HMBOX1: variants seen among roughly 807,000 people sequenced by gnomAD.
The protein encoded by HMBOX1 is homeobox containing 1, also known as homeobox-containing protein 1.
A neutral mutation model predicts 54.5 loss-of-function variants in HMBOX1; 14 were observed. The ratio of observed to expected loss-of-function variants is 0.26; its 90% CI spans 0.17 to 0.40. The LOEUF (loss-of-function observed/expected upper bound fraction) is 0.40, where lower values mean the gene tolerates loss of function less well. Ranked by LOEUF, HMBOX1 falls within the 10% of genes least tolerant of loss-of-function variation. The probability of loss-of-function intolerance (pLI) is 1.00; values close to 1 mark genes in which losing one functional copy is unlikely to be tolerated. For missense variants in HMBOX1, 332 were observed against 514.4 expected (o/e 0.65, Z 3.43); for synonymous variants, 160 against 181.0 (o/e 0.88, Z 0.93).
At chr8:28,968,620 C>T (rs1220315992) in intron 2 of HMBOX1, among the ~76,000 whole-genome samples, 1 of 152,132 alleles carries the variant, frequency 6.6e-6, no homozygotes, top group African/African-American at 2.4e-5. Flanking sequence ...CAGTTCCTGC[C>T]TAGAAGTGAC....
chr8:28,995,133 G>A (rs1208247285), intron 4 of HMBOX1, among the ~76,000 whole-genome samples: 1 of 152,118 alleles, frequency 6.6e-6, no homozygotes, highest in Non-Finnish European at 1.5e-5. Flanking sequence ...GTCTAACATA[G>A]AAACCCATGC....
intron 6 of HMBOX1, among the ~76,000 whole-genome samples, chr8:29,036,207 G>T (rs1803837997): frequency 6.6e-6 from 1 of 152,222 alleles, no homozygotes; most frequent in East Asian, 1.9e-4. Context: ...AGTCTTTGCA[G>T]TGAAGGGCCT....
intron 1 of HMBOX1, among the ~76,000 whole-genome samples, chr8:28,951,918 A>G (rs544494924): frequency 8.5e-5 from 13 of 152,320 alleles, no homozygotes; most frequent in African/African-American, 2.6e-4. Context: ...CTGTAATCCC[A>G]GCACTTTAAG....
At chr8:28,973,730 T>A (rs1004867333) in intron 3 of HMBOX1, among the ~76,000 whole-genome samples, 2 of 151,120 alleles carry the variant, frequency 1.3e-5, no homozygotes, top group Non-Finnish European at 2.9e-5. Context: ...ATACACAAGA[T>A]GTAGTTTTAA....
intron 6 of HMBOX1, 150 bp from the exon 7 acceptor site, chr8:29,045,211 T>TTCTA (rs1309647995): frequency 3.1e-6 from 2 of 654,130 alleles, no homozygotes. Context: ...GCATAAAAGA[T>TTCTA]TCTACTCTCA....
intron 6 of HMBOX1, among the ~76,000 whole-genome samples, chr8:29,042,012 C>T (rs749238046): frequency 6.6e-6 from 1 of 152,026 alleles, no homozygotes; most frequent in Non-Finnish European, 1.5e-5. Context: ...AAAAGGAACC[C>T]GTAGGTCTTA....
chr8:29,024,612 T>C (rs17059614), intron 6 of HMBOX1, among the ~76,000 whole-genome samples: 3,106 of 152,306 alleles, frequency 0.02, 94 homozygotes, highest in African/African-American at 0.069. Flanking sequence ...TTCATAAATC[T>C]TAAGGCAGTA....
chr8:28,918,564 A>C (rs1816980460), intron 1 of HMBOX1, among the ~76,000 whole-genome samples: 1 of 152,104 alleles, frequency 6.6e-6, no homozygotes, highest in African/African-American at 2.4e-5. Context: ...TGAGTTACTG[A>C]ATTTATGGAC....
At chr8:28,904,130 A>AT (rs1160065345) in intron 1 of HMBOX1, among the ~76,000 whole-genome samples, 1 of 152,144 alleles carries the variant, frequency 6.6e-6, no homozygotes, top group East Asian at 1.9e-4. Flanking sequence ...TTTTTCATGC[A>AT]TAAACCATAC....
chr8:29,047,300 T>C, intron 7 of HMBOX1, 58 bp from the exon 8 acceptor site: 1 of 982,228 alleles, frequency 1.0e-6, no homozygotes. Context: ...CCCTTAAAAC[T>C]AGTTTATTCT....
intron 1 of HMBOX1, among the ~76,000 whole-genome samples, chr8:28,923,228 C>T (rs1185268252): frequency 6.6e-6 from 1 of 152,146 alleles, no homozygotes; most frequent in Non-Finnish European, 1.5e-5. Context: ...CTTTCTGTTT[C>T]TATGGATTTG....
At chr8:29,009,217 A>T (rs1833884495) in intron 5 of HMBOX1, 35 bp downstream of exon 5, 16 of 1,482,910 alleles carry the variant, frequency 1.1e-5, no homozygotes, top group Non-Finnish European at 1.4e-5. Context: ...TTGCATCTGA[A>T]ACAAGACAGA....
rs1822494906 is a variant in HMBOX1 at position 28,946,563 on chromosome 8, C to T, written c.-57-17248C>T. On this transcript the variant is annotated intron_variant, in intron 1 of 9. Coordinates refer to ENST00000287701, the MANE Select transcript of HMBOX1 (RefSeq NM_001135726.3). Reference sequence around the variant, plus strand: ...CCAGCCTGGGGGACAGAGTGAGACTCCGTCTCAAAAAAAAAAAAATATATA... The same window carrying T: ...CCAGCCTGGGGGACAGAGTGAGACTTCGTCTCAAAAAAAAAAAAATATATA... Among the ~76,000 whole-genome samples, 2 of 147,650 alleles carry T rather than the reference C, an allele frequency of 1.4e-5. 1 individual carries two copies. The highest frequency in any genetic ancestry group is 4.2e-4 in the South Asian group (2 of 4,764).
chr8:28,992,216 C>G (rs1338311508), intron 4 of HMBOX1, among the ~76,000 whole-genome samples: 2 of 152,168 alleles, frequency 1.3e-5, no homozygotes, highest in African/African-American at 2.4e-5. Flanking sequence ...TGTCTTAACC[C>G]TCAGTTTCTC....
intron 1 of HMBOX1, among the ~76,000 whole-genome samples, chr8:28,961,136 T>G (rs948732256): frequency 8.5e-5 from 13 of 152,192 alleles, no homozygotes; most frequent in South Asian, 2.1e-4. Context: ...TGCTTGAATG[T>G]GATCCAGCAT....
intron 1 of HMBOX1, among the ~76,000 whole-genome samples, chr8:28,958,790 T>C (rs1297832843): frequency 2.0e-5 from 3 of 152,202 alleles, no homozygotes; most frequent in Non-Finnish European, 4.4e-5. Context: ...TGTTTTTTTC[T>C]CTAGTCTTCT....
intron 1 of HMBOX1, among the ~76,000 whole-genome samples, chr8:28,955,690 G>T (rs1306382744): frequency 6.6e-6 from 1 of 152,046 alleles, no homozygotes; most frequent in Non-Finnish European, 1.5e-5. Context: ...GGTGGCTCAC[G>T]CCTGTAATCC....
chr8:28,958,837 C>T (rs1824949732), intron 1 of HMBOX1, among the ~76,000 whole-genome samples: 1 of 152,044 alleles, frequency 6.6e-6, no homozygotes, highest in Non-Finnish European at 1.5e-5. Flanking sequence ...CTAAGTTTTA[C>T]TGAATGCCTT....
intron 1 of HMBOX1, among the ~76,000 whole-genome samples, chr8:28,923,024 C>A (rs974301208): frequency 3.3e-5 from 5 of 152,130 alleles, no homozygotes; most frequent in African/African-American, 1.2e-4. Context: ...TACACATAAC[C>A]TAAAATTGAC....
Sources: allele counts gnomAD v4.1 joint callset (sites outside exome capture counted in the v4.1 genomes callset), GRCh38; gene constraint gnomAD v4.1.1; transcripts MANE v1.5; gene names NCBI Gene and HGNC (gene_info 2026-07-23, HGNC 2026-07-21).